The following MGAT4A variants were observed in gnomAD, a reference collection of about 807,000 sequenced individuals.
MGAT4A encodes the protein N-acetylglucosaminyltransferase IVa.
MGAT4A carries 33 observed loss-of-function variants against 74.1 expected under a neutral mutation model. The ratio of observed to expected loss-of-function variants is 0.45; its 90% CI spans 0.34 to 0.60. The LOEUF is 0.60. MGAT4A is among the 20% of genes least tolerant of loss of function. The probability of loss-of-function intolerance (pLI) is 0.02; values close to 1 mark genes in which losing one functional copy is unlikely to be tolerated. For synonymous variants in MGAT4A, 198 were observed against 210.4 expected, an observed-to-expected ratio of 0.94 and a Z score of 0.51; for missense variants, 479 against 628.3, an observed-to-expected ratio of 0.76 and a Z score of 2.54.
chr2:98,675,725 A>T (rs889767681), intron 3 of MGAT4A, among the ~76,000 whole-genome samples: 19 of 151,970 alleles, frequency 1.3e-4, no homozygotes, highest in Non-Finnish European at 2.6e-4. Flanking sequence ...TTAAAAAAAA[A>T]ATTTTTTTTG....
intron 5 of MGAT4A, among the ~76,000 whole-genome samples, chr2:98,661,668 C>G (rs1359522084): frequency 6.6e-6 from 1 of 152,096 alleles, no homozygotes; most frequent in Admixed American, 6.5e-5. Flanking sequence ...TTAATTGGAG[C>G]TTTGTCCTTA....
At chr2:98,686,080 A>G (rs1040407357) in intron 2 of MGAT4A, among the ~76,000 whole-genome samples, 5 of 152,120 alleles carry the variant, frequency 3.3e-5, no homozygotes, top group African/African-American at 7.2e-5. Context: ...GGGTTTTCCA[A>G]GTATCCAGTG....
chr2:98,640,679 A>G (rs1701393715), intron 10 of MGAT4A, among the ~76,000 whole-genome samples: 1 of 152,068 alleles, frequency 6.6e-6, no homozygotes, highest in South Asian at 2.1e-4. Context: ...TACAAATCAT[A>G]TTTTTTTCTA....
intron 13 of MGAT4A, among the ~76,000 whole-genome samples, chr2:98,635,973 G>A (rs1027231148): frequency 3.6e-5 from 5 of 137,154 alleles, no homozygotes; most frequent in Non-Finnish European, 7.8e-5. Flanking sequence ...GTGACAGAGC[G>A]AGACTCTGTC....
At chr2:98,669,517 G>A (rs1701884078) in intron 4 of MGAT4A, among the ~76,000 whole-genome samples, 1 of 152,080 alleles carries the variant, frequency 6.6e-6, no homozygotes, top group Non-Finnish European at 1.5e-5. Flanking sequence ...GCATGAAAAT[G>A]GACTAATACA....
At chr2:98,665,124 T>C (rs1701804852) in intron 4 of MGAT4A, among the ~76,000 whole-genome samples, 1 of 151,848 alleles carries the variant, frequency 6.6e-6, no homozygotes, top group Non-Finnish European at 1.5e-5. Flanking sequence ...GGTCAGGAGA[T>C]CGAGACCATC....
intron 5 of MGAT4A, among the ~76,000 whole-genome samples, chr2:98,662,195 T>C (rs906591623): frequency 1.3e-5 from 2 of 152,352 alleles, no homozygotes; most frequent in African/African-American, 4.8e-5. Context: ...AACTATAATA[T>C]GGCTACATAT....
At chr2:98,666,215 G>A (rs1701827911) in intron 4 of MGAT4A, among the ~76,000 whole-genome samples, 1 of 152,086 alleles carries the variant, frequency 6.6e-6, no homozygotes, top group South Asian at 2.1e-4. Context: ...GGCTTCAGCT[G>A]GCAGACAAGA....
chr2:98,635,580 T>C (rs1281382119), intron 13 of MGAT4A, among the ~76,000 whole-genome samples: 2 of 152,302 alleles, frequency 1.3e-5, no homozygotes, highest in Middle Eastern at 6.8e-3. Context: ...TGTAGTTAAC[T>C]TGAAAGAAAT....
Position 98,678,396 on chromosome 2 carries a change from T to C in MGAT4A, c.170A>G (p.Gln57Arg). 6.3e-7 allele frequency: 1 copy of C among 1,595,954 alleles called. No individual in the cohort carries two copies. The highest frequency in any genetic ancestry group is 8.6e-7 in the Non-Finnish European group (1 of 1,167,744). The change falls in exon 3 of 16, where the codon CAG becomes CGG. Residue 57 changes from glutamine (Q) to arginine (R), a missense_variant. By Grantham distance (43) the Gln-to-Arg change is conservative. This residue lies in a region of MGAT4A where 205 missense variants were observed against 232.7 expected (regional missense o/e 0.88). Coordinates refer to ENST00000393487, the MANE Select transcript of MGAT4A (RefSeq NM_012214.3). The stretch of plus-strand genomic sequence containing the variant: ...AATCGTATTTAATTCAGAAGAGCGC[T>C]GTGAGATTCTGTGTTCAGCTATTCG... ...RLRIAEHRIS[Q>R]RSSELNTIVQ...
rs188181937 is a variant in MGAT4A, at chr2:98,673,684, C to T, written c.403+1351G>A. On this transcript the variant is annotated intron_variant, in intron 4 of 15. Coordinates refer to ENST00000393487, the MANE Select transcript of MGAT4A (RefSeq NM_012214.3). ...CAAAAGAAAGAGAATGTCACATTTA[C>T]AAAATAAAAACCTATTAGAGACCTT... Among the ~76,000 whole-genome samples the T allele has an allele frequency of 2.3e-3, 354 of 152,126 alleles. 4 individuals are homozygous for T. The highest frequency in any genetic ancestry group is 1.5e-3 in the South Asian group (7 of 4,822).
chr2:98,691,193 C>T (rs1385744008), intron 2 of MGAT4A, among the ~76,000 whole-genome samples: 1 of 152,142 alleles, frequency 6.6e-6, no homozygotes, highest in African/African-American at 2.4e-5. Flanking sequence ...GTGGCTCACA[C>T]CTGTAATCCC....
At chr2:98,654,667 G>A (rs1198720449) in intron 8 of MGAT4A, among the ~76,000 whole-genome samples, 1 of 152,076 alleles carries the variant, frequency 6.6e-6, no homozygotes, top group Non-Finnish European at 1.5e-5. Context: ...TAAATGGAAA[G>A]ACATCTTGTG....
chr2:98,689,617 G>A (rs1315016682), intron 2 of MGAT4A, among the ~76,000 whole-genome samples: 1 of 152,188 alleles, frequency 6.6e-6, no homozygotes, highest in Non-Finnish European at 1.5e-5. Context: ...GAGCTCAGAA[G>A]TTCAAGACTA....
In MGAT4A at chr2:98,625,220, G is replaced by A; in HGVS notation, c.*346C>T. On this transcript the variant is annotated 3_prime_UTR_variant, in exon 16 of 16. Transcript: ENST00000393487. ...ATAGTAAAATAAGTGAACCTCAAAA[G>A]TACCCCCTTCATAAAATGTATGTAA... is the stretch of plus-strand genomic sequence containing the variant. The A allele has an allele frequency of 1.1e-6, 1 of 885,928 alleles. No homozygotes were observed. 54.9% of individuals were successfully genotyped at this position (885,928 alleles called of 1,614,324 possible). A position where few individuals can be genotyped will look rare whatever the true frequency, so the allele number is the denominator to read the frequency against.
chr2:98,683,926 C>T (rs1459406910), intron 2 of MGAT4A, among the ~76,000 whole-genome samples: 1 of 152,190 alleles, frequency 6.6e-6, no homozygotes, highest in Non-Finnish European at 1.5e-5. Context: ...CCAAGACCCA[C>T]AGCTATGAAA....
chr2:98,670,126 A>G (rs1238996507), intron 4 of MGAT4A, among the ~76,000 whole-genome samples: 1 of 152,218 alleles, frequency 6.6e-6, no homozygotes, highest in Admixed American at 6.5e-5. Context: ...TATTCTACTG[A>G]GTTAGAGTTA....
intron 14 of MGAT4A, among the ~76,000 whole-genome samples, chr2:98,634,489 T>A (rs1327858756): frequency 1.3e-5 from 2 of 151,146 alleles, no homozygotes; most frequent in African/African-American, 2.4e-5. Flanking sequence ...AGCTAAGGGA[T>A]CAGATAACAA....
chr2:98,705,263 G>A (rs13425789), intron 2 of MGAT4A, among the ~76,000 whole-genome samples: 7,448 of 152,208 alleles, frequency 0.049, 460 homozygotes, highest in African/African-American at 0.13. Flanking sequence ...TCATTGGATC[G>A]TGGACTCTGT....
Sources: allele counts gnomAD v4.1 joint callset (sites outside exome capture counted in the v4.1 genomes callset), GRCh38; gene constraint gnomAD v4.1.1; regional missense constraint gnomAD v4.1.1; transcripts MANE v1.5; gene names NCBI Gene and HGNC (gene_info 2026-07-23, HGNC 2026-07-21).